The following RFTN2 variants were observed in gnomAD, a reference collection of about 807,000 sequenced individuals.
RFTN2 encodes raftlin-2.
Under a neutral mutation model 52.7 loss-of-function variants are expected in RFTN2, and 34 were observed. The observed-to-expected ratio is 0.64, with a 90% CI of 0.49 to 0.86. The LOEUF is 0.86. Among genes scored for constraint, RFTN2 ranks in the 40% least tolerant of loss-of-function variants. RFTN2 has a pLI of 0.00. For synonymous variants in RFTN2, 203 were observed against 217.7 expected (o/e 0.93, Z 0.59); for missense variants, 536 against 600.1 (o/e 0.89, Z 1.12).
Position 197,659,590 on chromosome 2 carries a change from G to GCTCAAA in RFTN2, c.140-12925_140-12924insTTTGAG, listed in dbSNP as rs1386167325. Reference sequence around the variant, plus strand: ...CCCAGCACTTTGAGAGGCTGAGGCGGGTGGATTACTGCAGGTCAGGAGATC... The same window carrying GCTCAAA: ...CCCAGCACTTTGAGAGGCTGAGGCGGCTCAAAGTGGATTACTGCAGGTCAGGAGATC... On this transcript the variant is annotated intron_variant, in intron 1 of 8. Coordinates refer to ENST00000295049, the MANE Select transcript of RFTN2 (RefSeq NM_144629.3). Among the ~76,000 whole-genome samples the GCTCAAA allele has an allele frequency of 6.0e-3, 911 of 152,226 alleles. 12 individuals are homozygous for GCTCAAA. Among genetic ancestry groups the GCTCAAA allele is most frequent in the African/African-American group, 0.021 (868 of 41,534 alleles).
At chr2:197,645,162 G>T (rs142780603) in intron 2 of RFTN2, among the ~76,000 whole-genome samples, 1 of 152,168 alleles carries the variant, frequency 6.6e-6, no homozygotes, top group African/African-American at 2.4e-5. Context: ...CATATACAGC[G>T]GTGGTCCCGT....
intron 1 of RFTN2, among the ~76,000 whole-genome samples, chr2:197,669,394 T>G (rs996203756): frequency 6.6e-6 from 1 of 152,136 alleles, no homozygotes; most frequent in African/African-American, 2.4e-5. Context: ...TTTTCAAATT[T>G]TTTTGGGGTT....
chr2:197,647,176 C>T (rs2088765285), intron 1 of RFTN2, among the ~76,000 whole-genome samples: 1 of 152,034 alleles, frequency 6.6e-6, no homozygotes, highest in Non-Finnish European at 1.5e-5. Flanking sequence ...TTTGAAGAGC[C>T]AGTCATTTTT....
chr2:197,602,553 T>C (rs540381572), intron 7 of RFTN2, among the ~76,000 whole-genome samples: 1 of 151,672 alleles, frequency 6.6e-6, no homozygotes, highest in East Asian at 2.0e-4. Context: ...CTTTTTTTTT[T>C]TGGTGAGATG....
intron 7 of RFTN2, 81 bp from the exon 8 acceptor site, chr2:197,596,150 T>C (rs1474071530): frequency 5.7e-6 from 4 of 707,426 alleles, no homozygotes; most frequent in East Asian, 6.0e-5. Context: ...ATTCCATATG[T>C]AGTTTTGTAA....
rs1400830269 is a variant in RFTN2 at position 197,571,830 on chromosome 2, T to C, written c.*178A>G. On this transcript the variant is annotated 3_prime_UTR_variant, in exon 9 of 9. Transcript: ENST00000295049. ...AAACATGATTCTAAATGTATAAATA[T>C]GTTGGTTATTCTTCCTTGTCTGGGA... 8.2e-6 allele frequency: 5 copies of C among 606,698 alleles called. No homozygotes were observed. The highest frequency in any genetic ancestry group is 1.2e-5 in the Non-Finnish European group (4 of 342,474). The allele number at this position is 606,698 out of a possible 1,614,324, so 37.6% of individuals were successfully genotyped here.
At chr2:197,604,518 G>A (rs1311414089) in intron 7 of RFTN2, among the ~76,000 whole-genome samples, 2 of 152,160 alleles carry the variant, frequency 1.3e-5, no homozygotes, top group Admixed American at 6.5e-5. Flanking sequence ...AAACTAAACT[G>A]TATTGTTTAG....
At chr2:197,634,719 GA>G (rs1188036185) in intron 3 of RFTN2, among the ~76,000 whole-genome samples, 18 of 142,882 alleles carry the variant, frequency 1.3e-4, no homozygotes, top group Admixed American at 2.1e-4. Flanking sequence ...TATTTTTAAG[GA>G]TTATTTATTT....
rs918530151 is a variant in RFTN2, at chr2:197,638,147, C to A, written c.439-4150G>T. Among the ~76,000 whole-genome samples the A allele has an allele frequency of 3.5e-5, 5 of 143,032 alleles. No homozygotes were observed. The Admixed American group carries it at 3.6e-4, about 10-fold the overall frequency. 93.8% of individuals were successfully genotyped at this position (143,032 alleles called of 152,430 possible). A position where few individuals can be genotyped will look rare whatever the true frequency, so the allele number is the denominator to read the frequency against. ...GTTCTTTTACATTTGCTGAGGAGAG[C>A]TTTACTTCCAACTATGTGGTCAATT... is the stretch of plus-strand genomic sequence containing the variant. On this transcript the variant is annotated intron_variant, in intron 3 of 8. Coordinates refer to ENST00000295049, the MANE Select transcript of RFTN2 (RefSeq NM_144629.3).
At chr2:197,579,315 CTT>C (rs1482533202) in intron 8 of RFTN2, among the ~76,000 whole-genome samples, 1 of 152,210 alleles carries the variant, frequency 6.6e-6, no homozygotes, top group Admixed American at 6.5e-5. Flanking sequence ...TCTACCCTCT[CTT>C]TTCTCTGGGC....
chr2:197,613,045 G>T (rs2088089339), intron 7 of RFTN2, among the ~76,000 whole-genome samples: 1 of 152,204 alleles, frequency 6.6e-6, no homozygotes, highest in African/African-American at 2.4e-5. Flanking sequence ...ATATGTGTAA[G>T]AAGATATCTT....
At chr2:197,618,068 C>T (rs537865446) in intron 5 of RFTN2, 147 bp from the exon 6 acceptor site, 308 of 370,172 alleles carry the variant, frequency 8.3e-4, no homozygotes, top group African/African-American at 6.3e-3. Context: ...CTCCCCCTCT[C>T]CCTCTCCCTC....
In RFTN2 at chr2:197,640,702, G is replaced by T. The variant is rs905832167; in HGVS notation, c.438+3456C>A. On this transcript the variant is annotated intron_variant, in intron 3 of 8. Coordinates refer to ENST00000295049, the MANE Select transcript of RFTN2 (RefSeq NM_144629.3). ...GCAGAAATCACCCGTCTTCTGCGTCGCTCACGCCGGGAGCTGTAGACCGGA... is the reference window on the plus strand; with the variant it reads ...GCAGAAATCACCCGTCTTCTGCGTCTCTCACGCCGGGAGCTGTAGACCGGA... Among the ~76,000 whole-genome samples the T allele has an allele frequency of 1.3e-5, 2 of 151,968 alleles. 1 individual carries two copies. The highest frequency in any genetic ancestry group is 4.8e-5 in the African/African-American group (2 of 41,404).
At chr2:197,606,475 A>G (rs1269715018) in intron 7 of RFTN2, among the ~76,000 whole-genome samples, 7 of 152,204 alleles carry the variant, frequency 4.6e-5, no homozygotes, top group Non-Finnish European at 2.9e-5. Context: ...AAAAGCTTTC[A>G]TTTGGGATCT....
At chr2:197,587,534 C>A (rs1452192097) in intron 8 of RFTN2, among the ~76,000 whole-genome samples, 1 of 152,008 alleles carries the variant, frequency 6.6e-6, no homozygotes, top group South Asian at 2.1e-4. Context: ...CCCCCCACCC[C>A]TGCCCGCCAG....
chr2:197,670,830 C>T (rs181807667), intron 1 of RFTN2, among the ~76,000 whole-genome samples: 263 of 152,260 alleles, frequency 1.7e-3, no homozygotes, highest in African/African-American at 5.8e-3. Context: ...TTGGAGTGCC[C>T]CTCCTTCTGT....
At chr2:197,647,590 C>T (rs908223242) in intron 1 of RFTN2, among the ~76,000 whole-genome samples, 1 of 152,164 alleles carries the variant, frequency 6.6e-6, no homozygotes, top group Non-Finnish European at 1.5e-5. Flanking sequence ...TTAGGCAGCA[C>T]TTGTCAAGGC....
intron 7 of RFTN2, among the ~76,000 whole-genome samples, chr2:197,612,418 C>T (rs1369472949): frequency 6.6e-6 from 1 of 152,210 alleles, no homozygotes; most frequent in African/African-American, 2.4e-5. Flanking sequence ...AGCCATGCTG[C>T]TGTTTTGAGG....
At chr2:197,582,284 C>G (rs2087523312) in intron 8 of RFTN2, among the ~76,000 whole-genome samples, 1 of 152,254 alleles carries the variant, frequency 6.6e-6, no homozygotes, top group African/African-American at 2.4e-5. Context: ...GCTATACTCA[C>G]TCTTTGTTGA....
Sources: gnomAD v4.1 joint callset for allele counts (sites outside exome capture counted in the v4.1 genomes callset) on GRCh38, gnomAD v4.1.1 for gene constraint, MANE v1.5 for transcripts, NCBI Gene and HGNC (gene_info 2026-07-23, HGNC 2026-07-21) for gene names.